The following LIFR variants were observed in gnomAD, a reference collection of about 807,000 sequenced individuals.
LIFR encodes leukemia inhibitory factor receptor.
A neutral mutation model predicts 122.2 loss-of-function variants in LIFR; 84 were observed. That is an observed-to-expected ratio of 0.69 (90% confidence interval 0.58 to 0.82). LIFR has a LOEUF of 0.82. Ranked by LOEUF, LIFR falls within the 40% of genes least tolerant of loss-of-function variation. LIFR has a pLI of 0.00. For missense variants in LIFR, 1,294 were observed against 1,311.6 expected (o/e 0.99, Z 0.21); for synonymous variants, 422 against 434.7 (o/e 0.97, Z 0.36).
intron 1 of LIFR, among the ~76,000 whole-genome samples, chr5:38,545,364 GTA>G (rs1009099177): frequency 5.9e-5 from 9 of 151,768 alleles, no homozygotes; most frequent in Middle Eastern, 3.4e-3. Flanking sequence ...GTGTGTGTGT[GTA>G]TGTGTGTGTG....
Position 38,478,519 on chromosome 5 carries a change from C to A in LIFR, c.*3076G>T, listed in dbSNP as rs563911686. 1.5e-5 allele frequency: 3 copies of A among 202,324 alleles called. No individual in the cohort carries two copies. The South Asian group carries it at 5.7e-4, about 39-fold the overall frequency. 12.5% of individuals were successfully genotyped at this position (202,324 alleles called of 1,614,324 possible). ...TTCAACAAATTGATGACCTAGATTG[C>A]ATACATGTGCTAATCTATGCAATAT... is the stretch of plus-strand genomic sequence containing the variant. On this transcript the variant is annotated 3_prime_UTR_variant, in exon 20 of 20. Transcript: ENST00000453190.
chr5:38,543,961 T>C (rs1375205645), intron 1 of LIFR, among the ~76,000 whole-genome samples: 1 of 152,046 alleles, frequency 6.6e-6, no homozygotes, highest in African/African-American at 2.4e-5. Flanking sequence ...TCCCCTAACC[T>C]ACACCCTCTC....
In LIFR at chr5:38,481,804, T is replaced by C; in HGVS notation, c.3085A>G (p.Arg1029Gly). The stretch of plus-strand genomic sequence containing the variant: ...CATGTATTTACATTGGCCTGAGGTC[T>C]GTAACCCGCAGTTTTATCTAAGTCC... ...EEDLDKTAGYRPQANVNTWNL... is the reference protein window; with the variant it reads ...EEDLDKTAGYGPQANVNTWNL... Residue 1029 changes from arginine (R) to glycine (G), a missense_variant, in exon 20 of 20, where the codon AGA becomes GGA. Coordinates refer to ENST00000453190, the MANE Select transcript of LIFR (RefSeq NM_001127671.2). 1.2e-6 allele frequency: 2 copies of C among 1,614,184 alleles called. No homozygotes were observed. Among genetic ancestry groups the C allele is most frequent in the Middle Eastern group, 1.6e-4 (1 of 6,062 alleles).
At chr5:38,592,766 C>T (rs1749970364) in intron 1 of LIFR, among the ~76,000 whole-genome samples, 1 of 151,142 alleles carries the variant, frequency 6.6e-6, no homozygotes, top group African/African-American at 2.4e-5. Flanking sequence ...ACTTTTAAAA[C>T]TATTTTTAGT....
chr5:38,606,791 T>C (rs955110935), intron 1 of LIFR, among the ~76,000 whole-genome samples: 7 of 152,132 alleles, frequency 4.6e-5, no homozygotes, highest in Non-Finnish European at 1.0e-4. Context: ...AAGGACACTT[T>C]CTTTTTTTTC....
chr5:38,516,644 T>C (rs550782125), intron 5 of LIFR, among the ~76,000 whole-genome samples: 1 of 152,300 alleles, frequency 6.6e-6, no homozygotes, highest in East Asian at 1.9e-4. Flanking sequence ...TGGAGGACAG[T>C]GTGGCAATTC....
At chr5:38,510,962 G>A (rs1051692046) in intron 6 of LIFR, among the ~76,000 whole-genome samples, 1 of 148,962 alleles carries the variant, frequency 6.7e-6, no homozygotes, top group Admixed American at 6.6e-5. Context: ...ACTTATGAAG[G>A]GATAATGGTG....
intron 16 of LIFR, among the ~76,000 whole-genome samples, chr5:38,488,431 T>TATC (rs1744401977): frequency 6.6e-6 from 1 of 152,210 alleles, no homozygotes; most frequent in South Asian, 2.1e-4. Context: ...AAAGATGATA[T>TATC]GCTTGTGTTA....
rs758389906 is a variant in LIFR, at chr5:38,481,974, A to T, written c.2915T>A (p.Val972Asp). Residue 972 changes from valine to aspartate, a missense_variant, in exon 20 of 20, where the codon GTT becomes GAT. Val to Asp is a radical substitution (Grantham distance 152). Transcript: ENST00000453190. ...AADEAGGTAQ[V>D]IYIDVQSMYQ... The stretch of plus-strand genomic sequence containing the variant: ...CATCGACTGAACATCAATGTAAATA[A>T]CCTGTGCAGTCCCTCCAGCTTCATC... 1 of 1,614,040 alleles carries T rather than the reference A, an allele frequency of 6.2e-7. No homozygotes were observed. Among genetic ancestry groups the T allele is most frequent in the African/African-American group, 1.3e-5 (1 of 74,924 alleles).
intron 1 of LIFR, among the ~76,000 whole-genome samples, chr5:38,583,205 G>C (rs1749643483): frequency 6.6e-6 from 1 of 152,076 alleles, no homozygotes; most frequent in Non-Finnish European, 1.5e-5. Flanking sequence ...TCAGTAATAT[G>C]GTACAACTTA....
intron 1 of LIFR, among the ~76,000 whole-genome samples, chr5:38,577,269 C>T (rs1274891212): frequency 1.3e-5 from 2 of 152,168 alleles, no homozygotes; most frequent in Admixed American, 6.5e-5. Context: ...ATATTTGAAG[C>T]TACGTTTTGA....
upstream of LIFR, among the ~76,000 whole-genome samples, chr5:38,599,467 T>TC (rs1317804092): frequency 1.3e-5 from 2 of 152,030 alleles, no homozygotes; most frequent in Non-Finnish European, 2.9e-5. Flanking sequence ...AGCGGGAAGG[T>TC]CAGGACCCAA....
At chr5:38,544,985 C>T (rs1043343166) in intron 1 of LIFR, among the ~76,000 whole-genome samples, 2 of 152,214 alleles carry the variant, frequency 1.3e-5, no homozygotes, top group African/African-American at 4.8e-5. Context: ...AAACTTAAAT[C>T]ATGGCCAGGC....
Position 38,530,639 on chromosome 5 carries a change from A to G in LIFR, c.9T>C (p.Asp3=), listed in dbSNP as rs746821182. The change falls in exon 2 of 20, where the codon GAT becomes GAC. Residue 3 remains aspartate (D), a synonymous_variant. Coordinates refer to ENST00000453190, the MANE Select transcript of LIFR (RefSeq NM_001127671.2). MM[D]IYVCLKRPSW... ...ATGGTCGTTTCAAACATACGTAAAT[A>G]TCCATCATCTGTGCAATGCAGTCAG... The G allele has an allele frequency of 3.7e-6, 6 of 1,613,844 alleles. No individual in the cohort carries two copies. The East Asian group carries it at 1.3e-4, about 36-fold the overall frequency.
chr5:38,599,426 T>C (rs1018322201), upstream of LIFR, among the ~76,000 whole-genome samples: 1 of 152,098 alleles, frequency 6.6e-6, no homozygotes, highest in African/African-American at 2.4e-5. Flanking sequence ...AGGGTGCAGT[T>C]TGAAGCATAG....
At chr5:38,506,662 AT>A in intron 7 of LIFR, 30 bp from the exon 8 acceptor site, 1 of 1,579,010 alleles carries the variant, frequency 6.3e-7, no homozygotes, top group Non-Finnish European at 8.7e-7. Context: ...GGTACTTATG[AT>A]TACATATATT....
Position 38,481,900 on chromosome 5 carries a change from C to T in LIFR, c.2989G>A (p.Gly997Arg), listed in dbSNP as rs770215666. Residue 997 changes from glycine to arginine, a missense_variant, in exon 20 of 20, where the codon GGA becomes AGA. By Grantham distance (125) the Gly-to-Arg change is moderately radical. Transcript: ENST00000453190. ...PEEEQENDPV[G>R]GAGYKPQMHL... ...ATCTGTGGCTTATAGCCTGCCCCTC[C>T]TACAGGGTCATTTTCTTGTTCTTCT... 8.7e-6 allele frequency: 14 copies of T among 1,614,120 alleles called. No homozygotes were observed. In the South Asian group the frequency reaches 1.5e-4, roughly 18 times the overall value.
chr5:38,598,211 CTT>C (rs869193908), upstream of LIFR, among the ~76,000 whole-genome samples: 1,028 of 62,246 alleles, frequency 0.017, 39 homozygotes, highest in African/African-American at 0.06. Context: ...TAAGGCACCT[CTT>C]TTTTTTTTTT....
chr5:38,563,049 CAG>C (rs1748892689), intron 1 of LIFR, among the ~76,000 whole-genome samples: 2 of 152,188 alleles, frequency 1.3e-5, no homozygotes, highest in East Asian at 1.9e-4. Flanking sequence ...CTCTGGCAAA[CAG>C]GGACATTTCT....
Sources: gnomAD v4.1 joint callset for allele counts (sites outside exome capture counted in the v4.1 genomes callset) on GRCh38, gnomAD v4.1.1 for gene constraint, MANE v1.5 for transcripts, NCBI Gene and HGNC (gene_info 2026-07-23, HGNC 2026-07-21) for gene names.